The following SEZ6L variants were observed in gnomAD, a reference collection of about 807,000 sequenced individuals.
The protein encoded by SEZ6L is seizure 6-like protein.
In SEZ6L, 37 loss-of-function variants were observed where a neutral mutation model predicts 106.2. The observed-to-expected ratio is 0.35, with a 90% confidence interval of 0.27 to 0.46. The LOEUF is 0.46. SEZ6L is among the 20% of genes least tolerant of loss of function. The pLI is 1.00. For synonymous variants in SEZ6L, 541 were observed against 570.4 expected, an observed-to-expected ratio of 0.95 and a Z score of 0.73; for missense variants, 1,172 against 1,332.8, an observed-to-expected ratio of 0.88 and a Z score of 1.88.
intron 1 of SEZ6L, among the ~76,000 whole-genome samples, chr22:26,213,348 AC>A (rs2078213611): frequency 6.6e-6 from 1 of 152,142 alleles, no homozygotes; most frequent in Non-Finnish European, 1.5e-5. Context: ...CTGGACATGA[AC>A]CCTTACCATG....
chr22:26,195,178 C>T (rs1312478013), intron 1 of SEZ6L, among the ~76,000 whole-genome samples: 4 of 152,202 alleles, frequency 2.6e-5, no homozygotes, highest in Non-Finnish European at 4.4e-5. Context: ...GCTTACCTGA[C>T]GTGCCACCTC....
chr22:26,189,958 G>A lies in SEZ6L; in HGVS notation c.94+20195G>A, dbSNP rs9624994. 7.0e-3 allele frequency among the ~76,000 whole-genome samples: 1,068 copies of A among 152,114 alleles called. 17 individuals are homozygous for A. The highest frequency in any genetic ancestry group is 0.025 in the African/African-American group (1,021 of 41,490). ...TAAAAATACAAAAAATTAGCTGGGC[G>A]TGGTGGCGGGCACCTGTGGTCCCAG... On this transcript the variant is annotated intron_variant, in intron 1 of 16. Transcript: ENST00000248933.
chr22:26,312,255 C>T (rs990112738), intron 8 of SEZ6L, among the ~76,000 whole-genome samples: 25 of 152,350 alleles, frequency 1.6e-4, no homozygotes, highest in South Asian at 6.2e-4. Flanking sequence ...CCCTCTGCTA[C>T]GCATGCTTGT....
chr22:26,193,933 T>C (rs1276846416), intron 1 of SEZ6L, among the ~76,000 whole-genome samples: 1 of 152,128 alleles, frequency 6.6e-6, no homozygotes, highest in Non-Finnish European at 1.5e-5. Context: ...ACTTAGAGGC[T>C]GGGGGGAGGT....
chr22:26,284,182 C>G (rs879088537), intron 1 of SEZ6L, among the ~76,000 whole-genome samples: 5 of 152,208 alleles, frequency 3.3e-5, no homozygotes, highest in African/African-American at 1.2e-4. Flanking sequence ...AGTGTCTTAC[C>G]GGCAGTAACA....
At chr22:26,357,613 G>A (rs1211382494) in intron 12 of SEZ6L, among the ~76,000 whole-genome samples, 1 of 152,128 alleles carries the variant, frequency 6.6e-6, no homozygotes, top group South Asian at 2.1e-4. Flanking sequence ...ACATTCCCTA[G>A]AGTAAGAAAG....
At chr22:26,363,402 G>A (rs1433560119) in intron 12 of SEZ6L, among the ~76,000 whole-genome samples, 1 of 152,178 alleles carries the variant, frequency 6.6e-6, no homozygotes, top group Non-Finnish European at 1.5e-5. Flanking sequence ...TACTATTTAT[G>A]TTGTTGGCAC....
intron 1 of SEZ6L, among the ~76,000 whole-genome samples, chr22:26,279,208 C>T (rs2080674743): frequency 6.6e-6 from 1 of 152,156 alleles, no homozygotes; most frequent in East Asian, 1.9e-4. Context: ...TTGAGCAGAA[C>T]CTAAGGGATG....
intron 1 of SEZ6L, among the ~76,000 whole-genome samples, chr22:26,225,856 A>T (rs2078619637): frequency 6.6e-6 from 1 of 152,078 alleles, no homozygotes; most frequent in South Asian, 2.1e-4. Flanking sequence ...TCAACTCAAG[A>T]TTCCCCCCAT....
chr22:26,292,146 AAG>A (rs1431961041), intron 1 of SEZ6L: 1 of 398,026 alleles, frequency 2.5e-6, no homozygotes, highest in Non-Finnish European at 4.4e-6. Flanking sequence ...GAAAGAAAGA[AAG>A]GAAGGAAGGA....
chr22:26,237,688 A>T (rs998523699), intron 1 of SEZ6L, among the ~76,000 whole-genome samples: 1 of 152,250 alleles, frequency 6.6e-6, no homozygotes, highest in Non-Finnish European at 1.5e-5. Flanking sequence ...TGGACAATGC[A>T]TAGTGGGTGG....
intron 1 of SEZ6L, among the ~76,000 whole-genome samples, chr22:26,256,679 G>A (rs987153704): frequency 6.6e-6 from 1 of 152,204 alleles, no homozygotes; most frequent in African/African-American, 2.4e-5. Context: ...TTCATAGCCT[G>A]GTCCCTGGAC....
intron 10 of SEZ6L, among the ~76,000 whole-genome samples, chr22:26,344,149 C>T (rs977858729): frequency 2.0e-5 from 3 of 152,192 alleles, no homozygotes; most frequent in African/African-American, 7.2e-5. Flanking sequence ...CTAAGCCCAG[C>T]TCTGGAAGGT....
chr22:26,334,182 AC>A (rs1382646694), intron 9 of SEZ6L, among the ~76,000 whole-genome samples: 1 of 152,206 alleles, frequency 6.6e-6, no homozygotes, highest in Admixed American at 6.5e-5. Flanking sequence ...CATATGTGAT[AC>A]ATTTACAATA....
chr22:26,358,725 C>T (rs190433355), intron 12 of SEZ6L, among the ~76,000 whole-genome samples: 8 of 152,254 alleles, frequency 5.3e-5, no homozygotes, highest in Admixed American at 2.6e-4. Context: ...TTAAAACATT[C>T]GACCAGTGGT....
Position 26,262,244 on chromosome 22 carries a change from TTATCTATC to T in SEZ6L, c.95-30128_95-30121del, listed in dbSNP as rs58457773. Among the ~76,000 whole-genome samples, 72 of 144,318 alleles carry T rather than the reference TTATCTATC, an allele frequency of 5.0e-4. 1 individual carries two copies. Among genetic ancestry groups the T allele is most frequent in the South Asian group, 2.5e-3 (11 of 4,378 alleles). 94.7% of individuals were successfully genotyped at this position (144,318 alleles called of 152,430 possible). ...TGCACCTTTTATATATTGATATATT[TTATCTATC>T]TATCTATCTATCTATCTATCTATCT... On this transcript the variant is annotated intron_variant, in intron 1 of 16. Transcript: ENST00000248933.
At chr22:26,250,404 C>G (rs1461494755) in intron 1 of SEZ6L, among the ~76,000 whole-genome samples, 1 of 152,064 alleles carries the variant, frequency 6.6e-6, no homozygotes, top group African/African-American at 2.4e-5. Flanking sequence ...TTCCCAGCAC[C>G]ATTAATAAGA....
chr22:26,195,238 G>A (rs556930030), intron 1 of SEZ6L, among the ~76,000 whole-genome samples: 1 of 152,292 alleles, frequency 6.6e-6, no homozygotes, highest in South Asian at 2.1e-4. Context: ...AATATTCCTT[G>A]TATGATAAAG....
At chr22:26,219,999 C>G (rs769879598) in intron 1 of SEZ6L, among the ~76,000 whole-genome samples, 18 of 152,158 alleles carry the variant, frequency 1.2e-4, no homozygotes, top group Non-Finnish European at 1.5e-4. Flanking sequence ...CAACAGCACA[C>G]CAGGTAGGTG....
Sources: allele counts gnomAD v4.1 joint callset (sites outside exome capture counted in the v4.1 genomes callset), GRCh38; gene constraint gnomAD v4.1.1; transcripts MANE v1.5; gene names NCBI Gene and HGNC (gene_info 2026-07-23, HGNC 2026-07-21).